FANCC: variants seen among roughly 807,000 people sequenced by gnomAD.
The protein encoded by FANCC is Fanconi anemia group C protein.
FANCC carries 55 observed loss-of-function variants against 71.3 expected under a neutral mutation model. That is an observed-to-expected ratio of 0.77 (90% confidence interval 0.62 to 0.97). FANCC has a LOEUF of 0.97. Ranked by LOEUF, FANCC falls within the 50% of genes least tolerant of loss-of-function variation. FANCC has a pLI of 0.00. For missense variants in FANCC, 678 were observed against 670.9 expected (o/e 1.01, Z -0.12); for synonymous variants, 275 against 244.9 (o/e 1.12, Z -1.15).
At chr9:95,292,090 A>G (rs1834055818) in intron 1 of FANCC, among the ~76,000 whole-genome samples, 1 of 149,866 alleles carries the variant, frequency 6.7e-6, no homozygotes. Context: ...AGCTATAGTA[A>G]GCAAAACAGT....
intron 1 of FANCC, among the ~76,000 whole-genome samples, chr9:95,288,979 T>C (rs1833851875): frequency 6.6e-6 from 1 of 152,162 alleles, no homozygotes; most frequent in East Asian, 1.9e-4. Context: ...CACACACCAG[T>C]AGTCCTAGCT....
intron 6 of FANCC, among the ~76,000 whole-genome samples, chr9:95,167,558 G>A (rs1156925186): frequency 6.6e-6 from 1 of 151,846 alleles, no homozygotes; most frequent in Non-Finnish European, 1.5e-5. Flanking sequence ...TAAGTTTTCT[G>A]ACCCTTTCTT....
At chr9:95,216,532 AATG>A (rs1828873798) in intron 4 of FANCC, among the ~76,000 whole-genome samples, 1 of 152,234 alleles carries the variant, frequency 6.6e-6, no homozygotes, top group African/African-American at 2.4e-5. Flanking sequence ...CTATATTTTC[AATG>A]ATATTTGTAC....
intron 4 of FANCC, among the ~76,000 whole-genome samples, chr9:95,196,800 CAGTTGGCAG>C (rs1473633885): frequency 5.9e-5 from 9 of 152,206 alleles, no homozygotes; most frequent in Non-Finnish European, 1.3e-4. Flanking sequence ...AGGATGTGCT[CAGTTGGCAG>C]ACCACGGACT....
At chr9:95,163,075 G>A (rs1183969801) in intron 6 of FANCC, among the ~76,000 whole-genome samples, 9 of 152,136 alleles carry the variant, frequency 5.9e-5, no homozygotes, top group African/African-American at 1.2e-4. Context: ...CAGGTCTTAC[G>A]TTTAGGTCTT....
chr9:95,101,734 G>A lies in FANCC; in HGVS notation c.1650C>T (p.Leu550=). The A allele has an allele frequency of 6.2e-7, 1 of 1,614,078 alleles. No homozygotes were observed. Among genetic ancestry groups the A allele is most frequent in the Non-Finnish European group, 8.5e-7 (1 of 1,180,006 alleles). ...AGACTTGAGTTCGCAGCTCTTTAAG[G>A]AGCTCTCGGGCCAGTTTTTCTGATC... ...SPRSEKLARE[L]LKELRTQV The change falls in exon 15 of 15, where the codon CTC becomes CTT. Residue 550 remains leucine, a synonymous_variant. Transcript: ENST00000289081.
chr9:95,163,095 T>C (rs1256523763), intron 6 of FANCC, among the ~76,000 whole-genome samples: 1 of 152,228 alleles, frequency 6.6e-6, no homozygotes, highest in African/African-American at 2.4e-5. Context: ...TTCATCTATT[T>C]TGAGTTAGTT....
chr9:95,240,566 C>T (rs764058308), intron 4 of FANCC, 83 bp downstream of exon 4: 43 of 943,584 alleles, frequency 4.6e-5, no homozygotes, highest in Non-Finnish European at 7.2e-5. Flanking sequence ...CTGGATTCCA[C>T]CCCACCCCAA....
intron 6 of FANCC, among the ~76,000 whole-genome samples, chr9:95,163,273 A>G (rs1830859244): frequency 6.6e-6 from 1 of 152,092 alleles, no homozygotes; most frequent in Non-Finnish European, 1.5e-5. Context: ...TGGGCTCTCT[A>G]TTCTGTTTTA....
At chr9:95,135,932 G>C (rs1005014796) in intron 7 of FANCC, among the ~76,000 whole-genome samples, 6 of 152,200 alleles carry the variant, frequency 3.9e-5, no homozygotes, top group African/African-American at 1.2e-4. Flanking sequence ...CTAACTGTAT[G>C]ATCTCAGAGA....
intron 1 of FANCC, among the ~76,000 whole-genome samples, chr9:95,308,714 C>T (rs992011745): frequency 6.6e-6 from 1 of 152,140 alleles, no homozygotes; most frequent in Non-Finnish European, 1.5e-5. Flanking sequence ...AAAGACAGTA[C>T]AATTTTAGGC....
intron 2 of FANCC, 50 bp downstream of exon 2, chr9:95,249,077 A>G: frequency 1.9e-6 from 3 of 1,593,040 alleles, no homozygotes; most frequent in African/African-American, 1.3e-5. Context: ...GAAATCTGGT[A>G]GAGTCCCTGA....
intron 4 of FANCC, among the ~76,000 whole-genome samples, chr9:95,191,905 G>A (rs1827139281): frequency 6.6e-6 from 1 of 152,042 alleles, no homozygotes; most frequent in Non-Finnish European, 1.5e-5. Flanking sequence ...TGCTGTCACA[G>A]CCTCCAGTCT....
At chr9:95,313,735 A>G (rs1372456456) in intron 1 of FANCC, among the ~76,000 whole-genome samples, 2 of 152,244 alleles carry the variant, frequency 1.3e-5, no homozygotes, top group African/African-American at 2.4e-5. Flanking sequence ...AGCCAAATCC[A>G]GCAATATGTA....
chr9:95,294,142 C>G, intron 1 of FANCC: 1 of 1,605,850 alleles, frequency 6.2e-7, no homozygotes, highest in Non-Finnish European at 8.5e-7. Context: ...GTCAAGTAAT[C>G]TGCCTGCTCA....
At chr9:95,261,029 A>AC (rs1832008066) in intron 1 of FANCC, among the ~76,000 whole-genome samples, 1 of 151,842 alleles carries the variant, frequency 6.6e-6, no homozygotes, top group South Asian at 2.1e-4. Context: ...TGCTGTCTGG[A>AC]CCCCCTATCT....
chr9:95,291,965 AAAAT>A (rs1294293335), intron 1 of FANCC, among the ~76,000 whole-genome samples: 287 of 84,836 alleles, frequency 3.4e-3, no homozygotes, highest in South Asian at 5.0e-3. Flanking sequence ...AAAAAAAAAA[AAAAT>A]ATATATATAT....
intron 4 of FANCC, among the ~76,000 whole-genome samples, chr9:95,220,412 T>C (rs1259750680): frequency 6.6e-6 from 1 of 152,230 alleles, no homozygotes; most frequent in Non-Finnish European, 1.5e-5. Flanking sequence ...TAAAGACACA[T>C]GCACACGTAT....
intron 1 of FANCC, among the ~76,000 whole-genome samples, chr9:95,250,051 A>T (rs1831234191): frequency 6.6e-6 from 1 of 152,236 alleles, no homozygotes; most frequent in Non-Finnish European, 1.5e-5. Context: ...GTGACAGTAG[A>T]TAAAATCTCA....
Sources: allele counts gnomAD v4.1 joint callset (sites outside exome capture counted in the v4.1 genomes callset), GRCh38; gene constraint gnomAD v4.1.1; transcripts MANE v1.5; gene names NCBI Gene and HGNC (gene_info 2026-07-23, HGNC 2026-07-21).